The following FOXP1 variants were observed in gnomAD, a reference collection of about 807,000 sequenced individuals.
The protein encoded by FOXP1 is forkhead box protein P1.
FOXP1 carries 15 observed loss-of-function variants against 98.2 expected under a neutral mutation model. That is an observed-to-expected ratio of 0.15 (90% confidence interval 0.10 to 0.24). The LOEUF (loss-of-function observed/expected upper bound fraction) is 0.24, where lower values mean the gene tolerates loss of function less well. Among genes scored for constraint, FOXP1 ranks in the 10% least tolerant of loss-of-function variants. The pLI, the probability that FOXP1 is intolerant of heterozygous loss-of-function variation, is 1.00. For synonymous variants in FOXP1, 371 were observed against 314.5 expected, an observed-to-expected ratio of 1.18 and a Z score of -1.90; for missense variants, 633 against 848.5, an observed-to-expected ratio of 0.75 and a Z score of 3.15.
chr3:71,577,658 G>A (rs1313137739), intron 2 of FOXP1, among the ~76,000 whole-genome samples: 1 of 152,082 alleles, frequency 6.6e-6, no homozygotes, highest in Non-Finnish European at 1.5e-5. Flanking sequence ...GTGGCCTGCA[G>A]AGTAGAGTAA....
chr3:71,481,949 C>T (rs1286732038), intron 3 of FOXP1, among the ~76,000 whole-genome samples: 1 of 152,108 alleles, frequency 6.6e-6, no homozygotes, highest in Non-Finnish European at 1.5e-5. Context: ...TTTCCCCTGC[C>T]CTGACTTCCT....
At chr3:71,315,884 A>G (rs78737000) in intron 4 of FOXP1, among the ~76,000 whole-genome samples, 5,277 of 152,306 alleles carry the variant, frequency 0.035, 331 homozygotes, top group African/African-American at 0.12. Context: ...ACTTTCTCCT[A>G]TGAAGTCCTT....
chr3:71,036,325 G>A (rs565432757), intron 11 of FOXP1, among the ~76,000 whole-genome samples: 2 of 152,302 alleles, frequency 1.3e-5, no homozygotes, highest in Non-Finnish European at 1.5e-5. Flanking sequence ...AGAGTAAAGC[G>A]CCCAGTGTGC....
intron 12 of FOXP1, among the ~76,000 whole-genome samples, chr3:71,010,049 G>A (rs1379882009): frequency 6.6e-6 from 1 of 151,462 alleles, no homozygotes; most frequent in Non-Finnish European, 1.5e-5. Context: ...AACCACCTGT[G>A]TCTTGCCTGG....
chr3:71,163,632 C>T (rs920646074), intron 6 of FOXP1, among the ~76,000 whole-genome samples: 5 of 152,048 alleles, frequency 3.3e-5, no homozygotes, highest in African/African-American at 9.7e-5. Context: ...CTTGTCAACT[C>T]GATATTTTCT....
At chr3:70,992,505 T>C (rs2040757642) in intron 13 of FOXP1, among the ~76,000 whole-genome samples, 1 of 152,198 alleles carries the variant, frequency 6.6e-6, no homozygotes, top group Admixed American at 6.5e-5. Context: ...TCAATTATTT[T>C]TGACCCACCT....
intron 7 of FOXP1, among the ~76,000 whole-genome samples, chr3:71,067,989 T>TTTA (rs1553721699): frequency 2.2e-5 from 3 of 134,746 alleles, no homozygotes; most frequent in East Asian, 4.1e-4. Flanking sequence ...TGGATAATTA[T>TTTA]AAAAAAAAAA....
chr3:70,993,125 G>A (rs769940310), intron 13 of FOXP1, among the ~76,000 whole-genome samples: 5 of 152,178 alleles, frequency 3.3e-5, no homozygotes, highest in South Asian at 2.1e-4. Context: ...TGTAAAGTTC[G>A]TACGGTAATT....
At chr3:71,035,265 T>G (rs2047428978) in intron 11 of FOXP1, among the ~76,000 whole-genome samples, 1 of 152,130 alleles carries the variant, frequency 6.6e-6, no homozygotes, top group African/African-American at 2.4e-5. Context: ...AAGTCCAGGT[T>G]TCAGAAGAAA....
chr3:71,284,606 C>A (rs1024260277), intron 5 of FOXP1, among the ~76,000 whole-genome samples: 26 of 152,024 alleles, frequency 1.7e-4, no homozygotes, highest in African/African-American at 6.3e-4. Flanking sequence ...CCAACTGCAA[C>A]GTTATTACAG....
chr3:71,200,424 G>C (rs2063599599), intron 5 of FOXP1, among the ~76,000 whole-genome samples: 2 of 152,220 alleles, frequency 1.3e-5, no homozygotes, highest in Admixed American at 6.5e-5. Context: ...GTCACAGCTA[G>C]TAATGGTGGA....
intron 19 of FOXP1, among the ~76,000 whole-genome samples, chr3:70,967,705 T>TTG (rs2035218160): frequency 9.8e-6 from 1 of 102,498 alleles, no homozygotes. Context: ...TTTTTGTTTT[T>TTG]TTTTGTTTTT....
At chr3:71,578,528 T>C (rs1013562954) in intron 2 of FOXP1, among the ~76,000 whole-genome samples, 1 of 152,202 alleles carries the variant, frequency 6.6e-6, no homozygotes, top group African/African-American at 2.4e-5. Flanking sequence ...TCTTACAAGA[T>C]AGTGTTTCAA....
chr3:71,489,778 G>A (rs772448754), intron 3 of FOXP1, among the ~76,000 whole-genome samples: 13 of 152,278 alleles, frequency 8.5e-5, no homozygotes, highest in Admixed American at 1.3e-4. Context: ...CATGGTTACC[G>A]CCGGCATCAA....
At chr3:71,113,782 A>T in intron 6 of FOXP1, among the ~76,000 whole-genome samples, 1 of 111,974 alleles carries the variant, frequency 8.9e-6, no homozygotes, top group East Asian at 3.7e-4. Context: ...AAAAAGAAAA[A>T]AACAATGTCA....
chr3:71,073,927 T>C (rs186069551), intron 7 of FOXP1, among the ~76,000 whole-genome samples: 1 of 152,124 alleles, frequency 6.6e-6, no homozygotes, highest in Non-Finnish European at 1.5e-5. Flanking sequence ...AATGCTAAGA[T>C]AACAAGGACC....
chr3:71,360,079 C>T (rs2078450169), intron 3 of FOXP1, among the ~76,000 whole-genome samples: 1 of 152,170 alleles, frequency 6.6e-6, no homozygotes, highest in Non-Finnish European at 1.5e-5. Context: ...AGGCATGAGC[C>T]ACCATGCTCG....
At chr3:71,511,145 G>A (rs1577933117) in intron 2 of FOXP1, among the ~76,000 whole-genome samples, 1 of 152,108 alleles carries the variant, frequency 6.6e-6, no homozygotes, top group African/African-American at 2.4e-5. Flanking sequence ...AAGTCCTTTT[G>A]TATGATGCAA....
chr3:71,212,229 G>T (rs2064531575), intron 5 of FOXP1, among the ~76,000 whole-genome samples: 2 of 152,130 alleles, frequency 1.3e-5, no homozygotes, highest in South Asian at 4.1e-4. Flanking sequence ...TGATTTACGA[G>T]CCACCAAAAA....
Sources: allele counts gnomAD v4.1 joint callset (sites outside exome capture counted in the v4.1 genomes callset), GRCh38; gene constraint gnomAD v4.1.1; transcripts MANE v1.5; gene names NCBI Gene and HGNC (gene_info 2026-07-23, HGNC 2026-07-21).